Variants in CYP3A43 observed in about 807,000 individuals in gnomAD.
CYP3A43 encodes the protein cytochrome P450 family 3 subfamily A member 43.
CYP3A43 carries 45 observed loss-of-function variants against 58.0 expected under a neutral mutation model. That is an observed-to-expected ratio of 0.78 (90% CI 0.61 to 0.99). The LOEUF (loss-of-function observed/expected upper bound fraction) is 0.99, where lower values mean the gene tolerates loss of function less well. CYP3A43 is among the 50% of genes least tolerant of loss of function. The probability of loss-of-function intolerance (pLI) is 0.00; values close to 1 mark genes in which losing one functional copy is unlikely to be tolerated. For synonymous variants in CYP3A43, 191 were observed against 201.4 expected, an observed-to-expected ratio of 0.95 and a Z score of 0.44; for missense variants, 593 against 591.9, an observed-to-expected ratio of 1.00 and a Z score of -0.02.
chr7:99,850,973 C>A (rs1817739395), intron 7 of CYP3A43, among the ~76,000 whole-genome samples: 1 of 152,132 alleles, frequency 6.6e-6, no homozygotes, highest in Admixed American at 6.5e-5. Flanking sequence ...TCAAGACCAT[C>A]CTTGCCAACT....
rs1053033059 is a variant in CYP3A43 at position 99,845,026 on chromosome 7, G to A, written c.318+784G>A. On this transcript the variant is annotated intron_variant, in intron 4 of 12. Coordinates refer to ENST00000354829, the MANE Select transcript of CYP3A43 (RefSeq NM_057095.3). ...AGAGGTTGCAGTGAGCCAAGATTGC[G>A]CCATTGCACTCCAGCCTGGCAACAG... Among the ~76,000 whole-genome samples the A allele has an allele frequency of 1.0e-4, 15 of 148,416 alleles. 1 individual carries two copies. Among genetic ancestry groups the A allele is most frequent in the Admixed American group, 2.0e-4 (3 of 14,796 alleles).
chr7:99,851,796 C>T (rs774838005), intron 7 of CYP3A43, among the ~76,000 whole-genome samples: 16 of 152,170 alleles, frequency 1.1e-4, no homozygotes, highest in Non-Finnish European at 2.2e-4. Flanking sequence ...CTTCTTTGAA[C>T]TTTAATTTTG....
chr7:99,851,985 G>A lies in CYP3A43; in HGVS notation c.670+2291G>A, dbSNP rs972512345. 5.3e-5 allele frequency among the ~76,000 whole-genome samples: 8 copies of A among 152,076 alleles called. 1 individual carries two copies. The highest frequency in any genetic ancestry group is 2.6e-4 in the Admixed American group (4 of 15,264). ...CATCTTGATTTTCATTTTATATGCC[G>A]TGTGACGTAAGAGCCCAGCTTTATT... On this transcript the variant is annotated intron_variant, in intron 7 of 12. Transcript: ENST00000354829.
At chr7:99,844,346 C>T (rs529186603) in intron 4 of CYP3A43, 104 bp downstream of exon 4, 10 of 1,042,716 alleles carry the variant, frequency 9.6e-6, no homozygotes, top group African/African-American at 8.2e-5. Context: ...CTTTATACTT[C>T]GTCCTATTTC....
chr7:99,865,058 T>C (rs561818345), intron 12 of CYP3A43, among the ~76,000 whole-genome samples: 1 of 148,588 alleles, frequency 6.7e-6, no homozygotes, highest in South Asian at 2.1e-4. Flanking sequence ...TATTTGTGGC[T>C]TTAGGGAAGC....
chr7:99,833,856 A>T (rs184592172), intron 1 of CYP3A43, among the ~76,000 whole-genome samples: 42 of 152,338 alleles, frequency 2.8e-4, no homozygotes, highest in African/African-American at 9.9e-4. Context: ...AAACAGGGGT[A>T]AAAGGCAAGG....
chr7:99,859,982 C>T lies in CYP3A43; in HGVS notation c.1018C>T (p.Pro340Ser). The change falls in exon 10 of 13, where the codon CCC becomes TCC. Residue 340 changes from proline (P) to serine (S), a missense_variant. Physicochemically the swap from Pro to Ser is moderately conservative, Grantham distance 74 (BLOSUM62 -1). Coordinates refer to ENST00000354829, the MANE Select transcript of CYP3A43 (RefSeq NM_057095.3). ...KLQEEIDAVL[P>S]NKAPVTYDAL... ...GCAGGAGGAGATTGACGCAGTTTTA[C>T]CCAATAAGGTAAGGGGATGATCCCC... 1 of 1,601,832 alleles carries T rather than the reference C, an allele frequency of 6.2e-7. No homozygotes were observed. Among genetic ancestry groups the T allele is most frequent in the Non-Finnish European group, 8.5e-7 (1 of 1,174,358 alleles).
At chr7:99,863,493 T>C (rs1252022674) in intron 11 of CYP3A43, 44 bp from the exon 12 acceptor site, 1 of 1,521,370 alleles carries the variant, frequency 6.6e-7, no homozygotes, top group Non-Finnish European at 8.9e-7. Flanking sequence ...TTTAATAGTT[T>C]TTATGTTTCA....
At chr7:99,847,256 A>G (rs1400902463) in intron 4 of CYP3A43, among the ~76,000 whole-genome samples, 1 of 152,030 alleles carries the variant, frequency 6.6e-6, no homozygotes, top group Admixed American at 6.6e-5. Context: ...ACTGGGATAT[A>G]GTGACTGGAA....
At chr7:99,859,010 C>T (rs953724824) in intron 9 of CYP3A43, among the ~76,000 whole-genome samples, 3 of 152,022 alleles carry the variant, frequency 2.0e-5, no homozygotes, top group African/African-American at 7.3e-5. Context: ...TTTATTAAAA[C>T]CACTCATTGG....
chr7:99,849,904 C>A, intron 7 of CYP3A43: 2 of 608,376 alleles, frequency 3.3e-6, no homozygotes, highest in Non-Finnish European at 5.8e-6. Flanking sequence ...TTTTTGTAAA[C>A]TCAGAAACCA....
intron 9 of CYP3A43, among the ~76,000 whole-genome samples, chr7:99,859,563 A>G (rs1280307646): frequency 1.3e-5 from 2 of 152,184 alleles, no homozygotes; most frequent in Non-Finnish European, 2.9e-5. Flanking sequence ...AAAGTTACCC[A>G]GCTGTGCAGC....
intron 12 of CYP3A43, 99 bp from the exon 13 acceptor site, chr7:99,865,807 A>G: frequency 4.0e-6 from 3 of 754,256 alleles, no homozygotes; most frequent in Non-Finnish European, 2.0e-6. Flanking sequence ...TTTTTTAGTC[A>G]TTGCAAAGCA....
intron 5 of CYP3A43, 147 bp from the exon 6 acceptor site, chr7:99,848,019 A>G (rs898514333): frequency 1.3e-5 from 10 of 767,584 alleles, no homozygotes; most frequent in South Asian, 3.7e-5. Context: ...CTCAAAAAAA[A>G]GGGGCAGGGG....
intron 7 of CYP3A43, among the ~76,000 whole-genome samples, chr7:99,853,174 T>C (rs1398586518): frequency 6.6e-5 from 10 of 152,216 alleles, no homozygotes; most frequent in Admixed American, 6.5e-4. Context: ...GAATGGATAT[T>C]AATTCTCCTT....
chr7:99,847,366 G>A (rs1379666381), intron 4 of CYP3A43, 122 bp from the exon 5 acceptor site: 2 of 955,198 alleles, frequency 2.1e-6, no homozygotes, highest in Non-Finnish European at 3.1e-6. Flanking sequence ...TATAGAGCCT[G>A]CCACCCAGTA....
chr7:99,849,816 T>A (rs1429160211), intron 7 of CYP3A43, 122 bp downstream of exon 7: 10 of 1,050,866 alleles, frequency 9.5e-6, no homozygotes, highest in Non-Finnish European at 1.2e-5. Context: ...TATAATTCAA[T>A]GGTTTTTGGT....
chr7:99,841,702 A>T (rs1817339895), intron 3 of CYP3A43, among the ~76,000 whole-genome samples: 2 of 151,284 alleles, frequency 1.3e-5, no homozygotes, highest in African/African-American at 4.9e-5. Context: ...CGGCCTACAC[A>T]TTTTTTTTAA....
At chr7:99,845,437 C>T (rs1380066393) in intron 4 of CYP3A43, among the ~76,000 whole-genome samples, 3 of 152,030 alleles carry the variant, frequency 2.0e-5, no homozygotes, top group Non-Finnish European at 4.4e-5. Flanking sequence ...ATTCTTGTGC[C>T]TCAGCCTCCC....
Sources: allele counts gnomAD v4.1 joint callset (sites outside exome capture counted in the v4.1 genomes callset), GRCh38; gene constraint gnomAD v4.1.1; transcripts MANE v1.5; gene names NCBI Gene and HGNC (gene_info 2026-07-23, HGNC 2026-07-21).